Variants in VCPIP1 observed in about 807,000 individuals in gnomAD.
VCPIP1 encodes valosin containing protein interacting protein 1.
A neutral mutation model predicts 85.0 loss-of-function variants in VCPIP1; 8 were observed. That is an observed-to-expected ratio of 0.09 (90% confidence interval 0.06 to 0.17). The LOEUF (loss-of-function observed/expected upper bound fraction) is 0.17. Among genes scored for constraint, VCPIP1 ranks in the 10% least tolerant of loss-of-function variants. The probability of loss-of-function intolerance (pLI) is 1.00; values close to 1 mark genes in which losing one functional copy is unlikely to be tolerated. For missense variants in VCPIP1, 1,070 were observed against 1,486.3 expected, an observed-to-expected ratio of 0.72 and a Z score of 4.61; for synonymous variants, 543 against 544.5, an observed-to-expected ratio of 1.00 and a Z score of 0.04.
intron 1 of VCPIP1, among the ~76,000 whole-genome samples, chr8:66,653,995 C>T (rs924501829): frequency 2.6e-5 from 4 of 152,168 alleles, no homozygotes; most frequent in Non-Finnish European, 5.9e-5. Flanking sequence ...CTATTATCTA[C>T]CAAGCTCTGA....
intron 2 of VCPIP1, among the ~76,000 whole-genome samples, chr8:66,650,389 G>A (rs1811040309): frequency 6.6e-6 from 1 of 152,130 alleles, no homozygotes; most frequent in Admixed American, 6.6e-5. Context: ...GCCTACAGTG[G>A]CCAGGTAGGT....
rs566685840 is a variant in VCPIP1, at chr8:66,639,699, G to A, written c.2798-4327C>T. Among the ~76,000 whole-genome samples, 4 of 152,136 alleles carry A rather than the reference G, an allele frequency of 2.6e-5. No individual in the cohort carries two copies. The East Asian group carries it at 7.7e-4, about 29-fold the overall frequency. On this transcript the variant is annotated intron_variant, in intron 2 of 2. Transcript: ENST00000310421. ...AGTAATAGTATAGTTTAGTTATAATGGGCAATACTGTTTTTCAAATGTAGA... is the reference window on the plus strand; with the variant it reads ...AGTAATAGTATAGTTTAGTTATAATAGGCAATACTGTTTTTCAAATGTAGA...
intron 2 of VCPIP1, among the ~76,000 whole-genome samples, chr8:66,638,392 C>T (rs752792092): frequency 2.7e-5 from 4 of 147,638 alleles, no homozygotes; most frequent in East Asian, 4.0e-4. Flanking sequence ...AAGACTGAGG[C>T]AGAAGGATCA....
In VCPIP1 at chr8:66,665,325, G is replaced by A; in HGVS notation, c.1634C>T (p.Ser545Phe). The A allele has an allele frequency of 6.2e-7, 1 of 1,613,908 alleles. No individual in the cohort carries two copies. The highest frequency in any genetic ancestry group is 8.5e-7 in the Non-Finnish European group (1 of 1,179,818). The part of the protein sequence containing the change: ...LTACNWCHGT[S>F]VRKVRGDGSI... Reference sequence around the variant, plus strand: ...CCCATCTCCTCTGACCTTTCGCACAGATGTGCCATGGCACCAATTACAAGC... The same window carrying A: ...CCCATCTCCTCTGACCTTTCGCACAAATGTGCCATGGCACCAATTACAAGC... Residue 545 changes from serine to phenylalanine, a missense_variant, in exon 1 of 3, where the codon TCT (serine) becomes TTT (phenylalanine). Around this residue, in one of 8 missense-constraint regions of VCPIP1, gnomAD observed 123 missense variants for 156.3 expected, o/e 0.79. Transcript: ENST00000310421. This position sits in a 1 kb window ranked among gnomAD's most constrained non-coding sequence, Gnocchi z 4.3.
chr8:66,660,761 C>T (rs1055701858), intron 1 of VCPIP1, among the ~76,000 whole-genome samples: 2 of 151,978 alleles, frequency 1.3e-5, no homozygotes, highest in African/African-American at 4.8e-5. Flanking sequence ...AGAATATCTT[C>T]GGCCAGGCGC....
chr8:66,628,604 A>G lies in VCPIP1; in HGVS notation c.*5897T>C, dbSNP rs919875749. 4 of 152,388 alleles carry G rather than the reference A, an allele frequency of 2.6e-5. No individual in the cohort carries two copies. The highest frequency in any genetic ancestry group is 4.1e-4 in the South Asian group (2 of 4,834). 9.4% of individuals were successfully genotyped at this position (152,388 alleles called of 1,614,324 possible). A position where few individuals can be genotyped will look rare whatever the true frequency, so the allele number is the denominator to read the frequency against. On this transcript the variant is annotated 3_prime_UTR_variant, in exon 3 of 3. Transcript: ENST00000310421. ...AAAATAAAATCCATAATGAGCTGTT[A>G]TAAGTAGGATGTTTATCTTATTTAC... is the stretch of plus-strand genomic sequence containing the variant.
chr8:66,628,699 C>G lies in VCPIP1; in HGVS notation c.*5802G>C, dbSNP rs545178208. ...GCATGCATATACAAGACCTCAAGTC[C>G]AAGTTTGGGATAACTGTAGCCAACA... is the stretch of plus-strand genomic sequence containing the variant. On this transcript the variant is annotated 3_prime_UTR_variant, in exon 3 of 3. Transcript: ENST00000310421. 2.0e-5 allele frequency: 3 copies of G among 152,128 alleles called. No homozygotes were observed. Among genetic ancestry groups the G allele is most frequent in the Non-Finnish European group, 4.4e-5 (3 of 68,034 alleles). 9.4% of individuals were successfully genotyped at this position (152,128 alleles called of 1,614,324 possible).
intron 1 of VCPIP1, among the ~76,000 whole-genome samples, chr8:66,652,177 T>C (rs1586626809): frequency 6.6e-6 from 1 of 152,084 alleles, no homozygotes; most frequent in Non-Finnish European, 1.5e-5. Flanking sequence ...CGTGACAAAG[T>C]GAGATCCTGT....
intron 1 of VCPIP1, among the ~76,000 whole-genome samples, chr8:66,654,676 T>A (rs967202943): frequency 6.6e-6 from 1 of 152,186 alleles, no homozygotes; most frequent in Non-Finnish European, 1.5e-5. Context: ...TTTTGACACT[T>A]TGCACAAGTC....
rs770681863 is a variant in VCPIP1 at position 66,664,368 on chromosome 8, T to C, written c.2591A>G (p.His864Arg). ...KAEGGQSAAA[H>R]SAHTVKQEDI... is the part of the protein sequence containing the mutation. ...TTCTTGTTTCACAGTGTGGGCTGAG[T>C]GTGCTGCAGCAGACTGACCACCTTC... Residue 864 changes from histidine to arginine, a missense_variant, in exon 1 of 3, where the codon CAC becomes CGC. By Grantham distance (29) the His-to-Arg change is conservative. Coordinates refer to ENST00000310421, the MANE Select transcript of VCPIP1 (RefSeq NM_025054.5). The C allele has an allele frequency of 1.9e-6, 3 of 1,613,826 alleles. No homozygotes were observed. Among genetic ancestry groups the C allele is most frequent in the Non-Finnish European group, 2.5e-6 (3 of 1,179,740 alleles).
At chr8:66,643,319 T>A (rs1810965197) in intron 2 of VCPIP1, among the ~76,000 whole-genome samples, 1 of 144,468 alleles carries the variant, frequency 6.9e-6, no homozygotes, top group African/African-American at 2.7e-5. Flanking sequence ...TGAGACTTCA[T>A]CTCAGAAAGA....
chr8:66,663,250 C>A (rs1242584616), intron 1 of VCPIP1, among the ~76,000 whole-genome samples: 1 of 152,134 alleles, frequency 6.6e-6, no homozygotes, highest in Non-Finnish European at 1.5e-5. Flanking sequence ...CCCCTATTTA[C>A]TACTCCCCCA....
chr8:66,652,706 C>CTATTTCAGTACT (rs1811065590), intron 1 of VCPIP1, among the ~76,000 whole-genome samples: 1 of 151,632 alleles, frequency 6.6e-6, no homozygotes, highest in Admixed American at 6.6e-5. Flanking sequence ...ACAGAAGGGG[C>CTATTTCAGTACT]TATTTCAGTA....
chr8:66,639,737 T>C (rs930137859), intron 2 of VCPIP1, among the ~76,000 whole-genome samples: 8 of 152,202 alleles, frequency 5.3e-5, no homozygotes, highest in Non-Finnish European at 8.8e-5. Flanking sequence ...TAACCATCTA[T>C]ATGTTAAGGT....
intron 2 of VCPIP1, among the ~76,000 whole-genome samples, chr8:66,647,002 G>C (rs1484574888): frequency 1.3e-5 from 2 of 152,074 alleles, no homozygotes; most frequent in Non-Finnish European, 2.9e-5. Context: ...TCCAGCCTAG[G>C]CAACAGAGCA....
intron 1 of VCPIP1, among the ~76,000 whole-genome samples, chr8:66,661,814 A>T (rs1811160927): frequency 6.9e-6 from 1 of 145,674 alleles, no homozygotes. Flanking sequence ...CCCAGGATGG[A>T]GTGCAGTGGC....
intron 1 of VCPIP1, among the ~76,000 whole-genome samples, chr8:66,659,851 G>C (rs1811139099): frequency 6.6e-6 from 1 of 152,036 alleles, no homozygotes; most frequent in African/African-American, 2.4e-5. Flanking sequence ...CTTGGACCCA[G>C]GAAGCAGAGG....
chr8:66,664,874 A>G lies in VCPIP1; in HGVS notation c.2085T>C (p.Thr695=), dbSNP rs1374825395. ...TGTGCAAAGTTTTTGTTTTCTGTCC[A>G]GTAAGAATAATTTTAGTTGGGAGCT... The part of the protein sequence containing the change: ...ESQLPTKIIL[T]GQKTKTLHKE... Residue 695 remains threonine, a synonymous_variant, in exon 1 of 3, where the codon ACT becomes ACC. Transcript: ENST00000310421. The G allele has an allele frequency of 6.2e-7, 1 of 1,614,196 alleles. No homozygotes were observed. The highest frequency in any genetic ancestry group is 8.5e-7 in the Non-Finnish European group (1 of 1,180,038).
chr8:66,661,021 G>A (rs888661838), intron 1 of VCPIP1, among the ~76,000 whole-genome samples: 2 of 152,040 alleles, frequency 1.3e-5, no homozygotes, highest in African/African-American at 4.8e-5. Flanking sequence ...CCAGCCTGGC[G>A]ACACTGCGAG....
Sources: gnomAD v4.1 joint callset for allele counts (sites outside exome capture counted in the v4.1 genomes callset) on GRCh38, gnomAD v4.1.1 for gene constraint, gnomAD v4.1.1 regional missense constraint, Gnocchi (gnomAD v3.1) non-coding constraint, MANE v1.5 for transcripts, NCBI Gene and HGNC (gene_info 2026-07-23, HGNC 2026-07-21) for gene names.